The following SMOC1 variants were observed in gnomAD, a reference collection of about 807,000 sequenced individuals.
SMOC1 encodes the protein SPARC-related modular calcium-binding protein 1.
A neutral mutation model predicts 56.3 loss-of-function variants in SMOC1; 22 were observed. That is an observed-to-expected ratio of 0.39 (90% CI 0.28 to 0.56). SMOC1 has a LOEUF of 0.56. Among genes scored for constraint, SMOC1 ranks in the 20% least tolerant of loss-of-function variants. The pLI, the probability that SMOC1 is intolerant of heterozygous loss-of-function variation, is 0.61. For missense variants in SMOC1, 509 were observed against 565.4 expected, an observed-to-expected ratio of 0.90 and a Z score of 1.01; for synonymous variants, 193 against 215.0, an observed-to-expected ratio of 0.90 and a Z score of 0.89.
rs147744078 is a variant in SMOC1, at chr14:69,968,080, T to A, written c.379-7635T>A. Among the ~76,000 whole-genome samples the A allele has an allele frequency of 1.7e-3, 252 of 152,270 alleles. 4 individuals are homozygous for A. Among genetic ancestry groups the A allele is most frequent in the African/African-American group, 5.9e-3 (247 of 41,552 alleles). Reference sequence around the variant, plus strand: ...TTAAAATACCATGTCATTAAAACATTGGGAATATAAAAGCTTTGGAAACAA... The same window carrying A: ...TTAAAATACCATGTCATTAAAACATAGGGAATATAAAAGCTTTGGAAACAA... On this transcript the variant is annotated intron_variant, in intron 3 of 11. Transcript: ENST00000361956.
intron 3 of SMOC1, among the ~76,000 whole-genome samples, chr14:69,974,729 T>C (rs1883892107): frequency 6.6e-6 from 1 of 152,110 alleles, no homozygotes; most frequent in African/African-American, 2.4e-5. Flanking sequence ...AGAGCTACCC[T>C]GAAGGATGAA....
chr14:69,999,674 G>A (rs1293883218), intron 7 of SMOC1, among the ~76,000 whole-genome samples: 1 of 152,208 alleles, frequency 6.6e-6, no homozygotes, highest in Non-Finnish European at 1.5e-5. Flanking sequence ...TGGGGGATGG[G>A]TGGTCATCCC....
At chr14:69,881,190 C>CT (rs1484743464) in intron 1 of SMOC1, among the ~76,000 whole-genome samples, 1 of 152,186 alleles carries the variant, frequency 6.6e-6, no homozygotes, top group Non-Finnish European at 1.5e-5. Context: ...ATGAGGATGC[C>CT]TTTTAAATGA....
chr14:69,967,524 C>G (rs2139482455), intron 3 of SMOC1, among the ~76,000 whole-genome samples: 1 of 152,234 alleles, frequency 6.6e-6, no homozygotes, highest in Non-Finnish European at 1.5e-5. Context: ...TACCCCAAGA[C>G]AGTTCTTCTT....
chr14:69,988,872 G>GA (rs1884463965), intron 5 of SMOC1, among the ~76,000 whole-genome samples: 1 of 152,190 alleles, frequency 6.6e-6, no homozygotes, highest in East Asian at 1.9e-4. Flanking sequence ...ATTGTCACAT[G>GA]TATTAGTAAT....
chr14:69,885,924 G>T (rs912887276), intron 1 of SMOC1: 1 of 1,595,344 alleles, frequency 6.3e-7, no homozygotes, highest in African/African-American at 1.3e-5. Context: ...ACTTTCAGCC[G>T]CTTATAGAGG....
intron 1 of SMOC1, among the ~76,000 whole-genome samples, chr14:69,895,681 A>G (rs1023360400): frequency 6.6e-6 from 1 of 152,130 alleles, no homozygotes; most frequent in Non-Finnish European, 1.5e-5. Context: ...ATCAGGATGC[A>G]TCATTCCATA....
chr14:70,001,500 A>G lies in SMOC1; in HGVS notation c.664+7020A>G, dbSNP rs141005816. On this transcript the variant is annotated intron_variant, in intron 7 of 11. Coordinates refer to ENST00000361956, the MANE Select transcript of SMOC1 (RefSeq NM_001034852.3). ...CATAGTGATTATAAAAAGCAGATAG[A>G]CTCTTAGCTATATGTGCATATTTTT... is the stretch of plus-strand genomic sequence containing the variant. 2.0e-4 allele frequency among the ~76,000 whole-genome samples: 31 copies of G among 151,810 alleles called. No homozygotes were observed. In the East Asian group the frequency reaches 5.4e-3, roughly 27 times the overall value.
chr14:69,909,881 CT>C (rs1464236854), intron 1 of SMOC1, among the ~76,000 whole-genome samples: 1 of 152,158 alleles, frequency 6.6e-6, no homozygotes, highest in Non-Finnish European at 1.5e-5. Context: ...GTTTTTGGGT[CT>C]AGCACTCCCC....
intron 1 of SMOC1, among the ~76,000 whole-genome samples, chr14:69,950,929 G>A (rs938550133): frequency 6.6e-6 from 1 of 152,180 alleles, no homozygotes; most frequent in Non-Finnish European, 1.5e-5. Flanking sequence ...AGTTCTGTGG[G>A]TTAACTGGGC....
At chr14:69,913,954 T>C (rs1884620833) in intron 1 of SMOC1, among the ~76,000 whole-genome samples, 1 of 152,244 alleles carries the variant, frequency 6.6e-6, no homozygotes, top group South Asian at 2.1e-4. Context: ...AGAGTGGAAA[T>C]GCTCAAGTTC....
chr14:69,904,559 C>T (rs1473437967), intron 1 of SMOC1, among the ~76,000 whole-genome samples: 2 of 152,232 alleles, frequency 1.3e-5, no homozygotes, highest in Non-Finnish European at 2.9e-5. Flanking sequence ...TCTTCATAGG[C>T]TCTCACACAT....
rs971851834 is a variant in SMOC1 at position 69,883,835 on chromosome 14, G to A, written c.99+4058G>A. Among the ~76,000 whole-genome samples the A allele has an allele frequency of 6.7e-5, 10 of 149,828 alleles. 2 individuals are homozygous for A. The highest frequency in any genetic ancestry group is 2.0e-4 in the Admixed American group (3 of 15,042). On this transcript the variant is annotated intron_variant, in intron 1 of 11. Transcript: ENST00000361956. ...TAATAGCCATTCTAACTGGAGTGAG[G>A]TGGTATCTCATTGTGGTTTGAATGC...
At chr14:69,892,412 T>C (rs879556414) in intron 1 of SMOC1, among the ~76,000 whole-genome samples, 2 of 152,238 alleles carry the variant, frequency 1.3e-5, no homozygotes, top group African/African-American at 2.4e-5. Flanking sequence ...GTGAAGGTAA[T>C]TGGGGAAATT....
intron 1 of SMOC1, among the ~76,000 whole-genome samples, chr14:69,936,896 A>G (rs1003310829): frequency 4.6e-5 from 7 of 152,120 alleles, no homozygotes; most frequent in Non-Finnish European, 8.8e-5. Flanking sequence ...CTGGAGTGGG[A>G]GGAAGATTAC....
Position 69,961,270 on chromosome 14 carries a change from G to C in SMOC1, c.378+7738G>C, listed in dbSNP as rs1324350136. Among the ~76,000 whole-genome samples, 26 of 59,690 alleles carry C rather than the reference G, an allele frequency of 4.4e-4. 1 individual carries two copies. Among genetic ancestry groups the C allele is most frequent in the African/African-American group, 1.8e-3 (23 of 12,540 alleles). The allele number at this position is 59,690 out of a possible 152,430, so 39.2% of individuals were successfully genotyped here. ...TTTTATTGTCAAGCAATATTCTATT[G>C]TGTATATATATATATATATATATAT... On this transcript the variant is annotated intron_variant, in intron 3 of 11. Coordinates refer to ENST00000361956, the MANE Select transcript of SMOC1 (RefSeq NM_001034852.3).
At chr14:69,960,398 G>A (rs1050272305) in intron 3 of SMOC1, among the ~76,000 whole-genome samples, 1 of 152,150 alleles carries the variant, frequency 6.6e-6, no homozygotes, top group Non-Finnish European at 1.5e-5. Flanking sequence ...TGCAGAAAAA[G>A]TGGGCTCTGT....
chr14:69,938,453 C>T (rs1040912869), intron 1 of SMOC1, among the ~76,000 whole-genome samples: 6 of 151,886 alleles, frequency 4.0e-5, no homozygotes, highest in Admixed American at 6.6e-5. Flanking sequence ...GTAGTGGCGT[C>T]GTGAGGGCTA....
chr14:69,984,388 TAA>T (rs2139522356), intron 5 of SMOC1, among the ~76,000 whole-genome samples: 1 of 152,334 alleles, frequency 6.6e-6, no homozygotes, highest in Admixed American at 6.5e-5. Context: ...ATAATATATA[TAA>T]GTTGAACTTT....
Sources: allele counts gnomAD v4.1 joint callset (sites outside exome capture counted in the v4.1 genomes callset), GRCh38; gene constraint gnomAD v4.1.1; transcripts MANE v1.5; gene names NCBI Gene and HGNC (gene_info 2026-07-23, HGNC 2026-07-21).